Variants in SYT9 observed in about 807,000 individuals in gnomAD.
SYT9 encodes synaptotagmin-9.
A neutral mutation model predicts 48.4 loss-of-function variants in SYT9; 22 were observed. That is an observed-to-expected ratio of 0.45 (90% CI 0.32 to 0.65). The LOEUF (loss-of-function observed/expected upper bound fraction) is 0.65. Among genes scored for constraint, SYT9 ranks in the 30% least tolerant of loss-of-function variants. The probability of loss-of-function intolerance (pLI) is 0.03; values close to 1 mark genes in which losing one functional copy is unlikely to be tolerated. For missense variants in SYT9, 577 were observed against 622.0 expected (o/e 0.93, Z 0.77); for synonymous variants, 265 against 245.0 (o/e 1.08, Z -0.76).
chr11:7,399,381 G>A (rs994191272), intron 3 of SYT9, among the ~76,000 whole-genome samples: 6 of 152,246 alleles, frequency 3.9e-5, no homozygotes, highest in East Asian at 3.9e-4. Flanking sequence ...CAGCATTACC[G>A]TGAACACATG....
chr11:7,249,928 C>A (rs1006606797), upstream of SYT9, among the ~76,000 whole-genome samples: 3 of 152,210 alleles, frequency 2.0e-5, no homozygotes, highest in East Asian at 5.8e-4. Flanking sequence ...GCTCGCTCCT[C>A]TACCAAACAC....
intron 6 of SYT9, chr11:7,438,149 A>G (rs1847749371): frequency 6.6e-6 from 1 of 152,250 alleles, no homozygotes; most frequent in Non-Finnish European, 1.5e-5. Flanking sequence ...GAGAGTTGTC[A>G]GCCTTCCACA....
intron 1 of SYT9, among the ~76,000 whole-genome samples, chr11:7,289,522 A>T (rs776221813): frequency 1.3e-5 from 2 of 152,118 alleles, no homozygotes; most frequent in Non-Finnish European, 2.9e-5. Flanking sequence ...TGAATAAAAA[A>T]CTCTACTTGG....
chr11:7,294,250 G>A (rs528047786), intron 1 of SYT9, among the ~76,000 whole-genome samples: 1 of 152,084 alleles, frequency 6.6e-6, no homozygotes, highest in African/African-American at 2.4e-5. Context: ...ATTTGGGGGG[G>A]ACACAAGCAT....
chr11:7,387,481 G>A (rs74053622), intron 3 of SYT9, among the ~76,000 whole-genome samples: 1,562 of 152,066 alleles, frequency 0.01, 31 homozygotes, highest in African/African-American at 0.035. Flanking sequence ...TGTAGTTGTC[G>A]GAATTTATTT....
chr11:7,328,994 G>C (rs1207684413), intron 3 of SYT9, among the ~76,000 whole-genome samples: 1 of 152,220 alleles, frequency 6.6e-6, no homozygotes, highest in East Asian at 1.9e-4. Flanking sequence ...AGACTTCTCT[G>C]AAATTTGATT....
chr11:7,336,704 C>T (rs1247142059), intron 3 of SYT9, among the ~76,000 whole-genome samples: 1 of 152,146 alleles, frequency 6.6e-6, no homozygotes, highest in African/African-American at 2.4e-5. Context: ...GTCTATGCAT[C>T]TGTTTTTGTA....
At chr11:7,395,415 A>G (rs2134066945) in intron 3 of SYT9, among the ~76,000 whole-genome samples, 1 of 152,022 alleles carries the variant, frequency 6.6e-6, no homozygotes, top group East Asian at 1.9e-4. Context: ...TTTTCTACAA[A>G]GAGAGAATCT....
chr11:7,341,494 C>T (rs1849711546), intron 3 of SYT9, among the ~76,000 whole-genome samples: 2 of 152,172 alleles, frequency 1.3e-5, no homozygotes, highest in Admixed American at 1.3e-4. Flanking sequence ...TGCACACGTT[C>T]TCTTACCTGC....
At chr11:7,368,547 G>T (rs532556977) in intron 3 of SYT9, among the ~76,000 whole-genome samples, 6 of 152,082 alleles carry the variant, frequency 3.9e-5, no homozygotes, top group Non-Finnish European at 8.8e-5. Context: ...CCTGGTGTGT[G>T]ATATTCCCCT....
At chr11:7,431,474 A>T (rs559177674) in intron 6 of SYT9, among the ~76,000 whole-genome samples, 18 of 152,374 alleles carry the variant, frequency 1.2e-4, no homozygotes, top group African/African-American at 4.3e-4. Flanking sequence ...CAAGACAGAA[A>T]TTCAAGCAAG....
intron 6 of SYT9, among the ~76,000 whole-genome samples, chr11:7,453,304 G>A (rs1343339061): frequency 1.3e-5 from 2 of 152,096 alleles, no homozygotes; most frequent in Non-Finnish European, 2.9e-5. Context: ...TACAAGCTGG[G>A]AAGATACTCC....
chr11:7,430,029 G>C (rs1347244490), intron 6 of SYT9, among the ~76,000 whole-genome samples: 1 of 151,918 alleles, frequency 6.6e-6, no homozygotes, highest in African/African-American at 2.4e-5. Flanking sequence ...TCACATAGCT[G>C]TCCTTTCCCT....
At chr11:7,307,399 A>G (rs1394245856) in intron 2 of SYT9, among the ~76,000 whole-genome samples, 1 of 152,246 alleles carries the variant, frequency 6.6e-6, no homozygotes, top group African/African-American at 2.4e-5. Flanking sequence ...CAAAAGTGGA[A>G]GTTGCCTAGA....
At chr11:7,360,635 A>G (rs1284719922) in intron 3 of SYT9, among the ~76,000 whole-genome samples, 1 of 152,188 alleles carries the variant, frequency 6.6e-6, no homozygotes, top group Non-Finnish European at 1.5e-5. Context: ...GAGTTCACTC[A>G]TGATTTGGCT....
intron 3 of SYT9, among the ~76,000 whole-genome samples, chr11:7,409,747 T>C (rs1847098006): frequency 6.6e-6 from 1 of 152,094 alleles, no homozygotes; most frequent in African/African-American, 2.4e-5. Flanking sequence ...TTGTATTCTG[T>C]GTTCTTGGTT....
intron 6 of SYT9, among the ~76,000 whole-genome samples, chr11:7,466,237 C>T (rs1848332516): frequency 6.6e-6 from 1 of 152,194 alleles, no homozygotes; most frequent in Non-Finnish European, 1.5e-5. Context: ...TCAGAATGCT[C>T]TCTATAGACC....
chr11:7,291,557 G>C (rs985311001), intron 1 of SYT9, among the ~76,000 whole-genome samples: 2 of 152,128 alleles, frequency 1.3e-5, no homozygotes, highest in African/African-American at 4.8e-5. Flanking sequence ...CTCACCAGGG[G>C]CTCTGCTCCT....
At chr11:7,449,207 G>A (rs1847993867) in intron 6 of SYT9, among the ~76,000 whole-genome samples, 1 of 151,568 alleles carries the variant, frequency 6.6e-6, no homozygotes, top group South Asian at 2.1e-4. Context: ...AACCGGGCAT[G>A]GTGGTGGATG....
Sources: gnomAD v4.1 joint callset for allele counts (sites outside exome capture counted in the v4.1 genomes callset) on GRCh38, gnomAD v4.1.1 for gene constraint, MANE v1.5 for transcripts, NCBI Gene and HGNC (gene_info 2026-07-23, HGNC 2026-07-21) for gene names.